Variants in YLPM1 observed in about 807,000 individuals in gnomAD.
YLPM1 encodes the protein YLP motif containing 1, also known as YLP motif-containing protein 1.
Under a neutral mutation model 230.0 loss-of-function variants are expected in YLPM1, and 99 were observed. That is an observed-to-expected ratio of 0.43 (90% CI 0.37 to 0.51). YLPM1 has a LOEUF of 0.51. Among genes scored for constraint, YLPM1 ranks in the 20% least tolerant of loss-of-function variants. YLPM1 has a pLI of 0.00. For synonymous variants in YLPM1, 984 were observed against 942.5 expected (o/e 1.04, Z -0.81); for missense variants, 2,592 against 2,707.7 (o/e 0.96, Z 0.95).
chr14:74,781,160 GGAA>G (rs1440162318), intron 3 of YLPM1, among the ~76,000 whole-genome samples, 171 bp from the exon 4 acceptor site: 1 of 152,164 alleles, frequency 6.6e-6, no homozygotes, highest in Non-Finnish European at 1.5e-5. Flanking sequence ...GCCAAAGGAA[GGAA>G]GAAGAATGAT....
At chr14:74,835,469 A>G in intron 20 of YLPM1, 22 bp downstream of exon 20, 1 of 1,583,490 alleles carries the variant, frequency 6.3e-7, no homozygotes, top group Non-Finnish European at 8.6e-7. Context: ...CAGTCATATA[A>G]ATAGCCTACT....
chr14:74,797,905 A>G lies in YLPM1; in HGVS notation c.2608A>G (p.Ser870Gly). Reference sequence around the variant, plus strand: ...AAACAAAGAACCATTAGCAGACACCAGTAGTAACCAGCAGAAGAATTTTAA... The same window carrying G: ...AAACAAAGAACCATTAGCAGACACCGGTAGTAACCAGCAGAAGAATTTTAA... ...SGNKEPLADT[S>G]SNQQKNFKMQ... Residue 870 changes from serine (S) to glycine (G), a missense_variant, in exon 5 of 21, where the codon AGT becomes GGT. Coordinates refer to ENST00000325680, the MANE Select transcript of YLPM1 (RefSeq NM_019589.3). The G allele has an allele frequency of 1.2e-6, 2 of 1,613,932 alleles. No individual in the cohort carries two copies. Among genetic ancestry groups the G allele is most frequent in the South Asian group, 2.2e-5 (2 of 91,076 alleles).
chr14:74,769,584 G>A (rs2090953249), intron 1 of YLPM1, among the ~76,000 whole-genome samples: 2 of 146,232 alleles, frequency 1.4e-5, no homozygotes, highest in South Asian at 4.2e-4. Flanking sequence ...AGAGTGCCCG[G>A]CCATTTTTTT....
intron 17 of YLPM1, among the ~76,000 whole-genome samples, chr14:74,823,604 C>T (rs1486655414): frequency 6.6e-6 from 1 of 151,994 alleles, no homozygotes; most frequent in African/African-American, 2.4e-5. Flanking sequence ...TTTTAAAAAA[C>T]ATCAGAAATA....
At chr14:74,830,329 G>A (rs1185353265) in intron 19 of YLPM1, among the ~76,000 whole-genome samples, 1 of 152,192 alleles carries the variant, frequency 6.6e-6, no homozygotes, top group Non-Finnish European at 1.5e-5. Flanking sequence ...TAGGATATTA[G>A]ATAGGTCTTT....
rs753465477 is a variant in YLPM1 at position 74,781,994 on chromosome 14, G to T, written c.1951G>T (p.Val651Phe). 3 of 1,613,782 alleles carry T rather than the reference G, an allele frequency of 1.9e-6. No individual in the cohort carries two copies. Among genetic ancestry groups the T allele is most frequent in the Non-Finnish European group, 1.7e-6 (2 of 1,179,812 alleles). ...ACCTCCTCAGTTAACAGCAGCCCCA[G>T]TTCCACCAGCCTCCAGTTCACAGAG... Reference protein sequence around the residue: ...GIPPQLTAAPVPPASSSQSSQ... With the variant: ...GIPPQLTAAPFPPASSSQSSQ... The change falls in exon 4 of 21, where the codon GTT becomes TTT. Residue 651 changes from valine (V) to phenylalanine (F), a missense_variant. Val to Phe is a conservative substitution (Grantham distance 50, BLOSUM62 -1). Around this residue, in one of 4 missense-constraint regions of YLPM1, gnomAD observed 1,862 missense variants for 1,819.8 expected, o/e 1.02. Coordinates refer to ENST00000325680, the MANE Select transcript of YLPM1 (RefSeq NM_019589.3).
intron 6 of YLPM1, among the ~76,000 whole-genome samples, chr14:74,807,229 C>T (rs2091388705): frequency 6.6e-6 from 1 of 151,994 alleles, no homozygotes. Context: ...ATATTGTGGG[C>T]TCTCCAGGAT....
At chr14:74,810,069 T>C (rs979182809) in intron 8 of YLPM1, 67 bp downstream of exon 8, 9 of 1,497,118 alleles carry the variant, frequency 6.0e-6, no homozygotes, top group Non-Finnish European at 8.1e-6. Context: ...GATTTTCCTT[T>C]TGGTGAGATT....
intron 11 of YLPM1, among the ~76,000 whole-genome samples, chr14:74,815,502 C>A (rs898757413): frequency 6.7e-6 from 1 of 149,854 alleles, no homozygotes; most frequent in Non-Finnish European, 1.5e-5. Context: ...GCAGAGGTTG[C>A]GATGAGCCAA....
chr14:74,816,314 G>A (rs1309992280), intron 12 of YLPM1, 49 bp downstream of exon 12: 1 of 1,561,972 alleles, frequency 6.4e-7, no homozygotes, highest in Non-Finnish European at 8.7e-7. Context: ...GCTTGTGTTA[G>A]TAGTCACTTG....
Position 74,809,661 on chromosome 14 carries a change from A to G in YLPM1, c.4803A>G (p.Ala1601=). ...CAGAATTTAAGTCAGAAACTGCAGCAATTCCATCTGCTCCAGTATTACCAC... is the reference window on the plus strand; with the variant it reads ...CAGAATTTAAGTCAGAAACTGCAGCGATTCCATCTGCTCCAGTATTACCAC... ...LNSEFKSETA[A]IPSAPVLPPP... is the part of the protein sequence containing the mutation. The change falls in exon 7 of 21, where the codon GCA becomes GCG. Residue 1601 remains alanine (A), a synonymous_variant. Transcript: ENST00000325680. 6.2e-7 allele frequency: 1 copy of G among 1,614,054 alleles called. No homozygotes were observed. The highest frequency in any genetic ancestry group is 1.3e-5 in the African/African-American group (1 of 75,078).
intron 6 of YLPM1, among the ~76,000 whole-genome samples, chr14:74,806,737 T>TACTTTCCTCTTACAGAAATTACA (rs2091382323): frequency 6.6e-6 from 1 of 151,988 alleles, no homozygotes; most frequent in African/African-American, 2.4e-5. Flanking sequence ...TTCCCATATT[T>TACTTTCCTCTTACAGAAATTACA]GTTAATTATA....
Position 74,781,608 on chromosome 14 carries a change from C to T in YLPM1, c.1565C>T (p.Pro522Leu), listed in dbSNP as rs780324562. 1 of 1,613,906 alleles carries T rather than the reference C, an allele frequency of 6.2e-7. No individual in the cohort carries two copies. The highest frequency in any genetic ancestry group is 1.1e-5 in the South Asian group (1 of 91,072). ...GNMSMPPPFVPYSQMPPPLPT... is the reference protein window; with the variant it reads ...GNMSMPPPFVLYSQMPPPLPT... Reference sequence around the variant, plus strand: ...ATGTCAATGCCACCTCCTTTTGTTCCATATTCTCAGATGCCTCCACCTCTA... The same window carrying T: ...ATGTCAATGCCACCTCCTTTTGTTCTATATTCTCAGATGCCTCCACCTCTA... Residue 522 changes from proline (P) to leucine (L), a missense_variant, in exon 4 of 21, where the codon CCA (proline) becomes CTA (leucine). This residue lies in a region of YLPM1 where 1,862 missense variants were observed against 1,819.8 expected (regional missense o/e 1.02). Coordinates refer to ENST00000325680, the MANE Select transcript of YLPM1 (RefSeq NM_019589.3).
At chr14:74,824,348 A>G in intron 18 of YLPM1, 41 bp downstream of exon 18, 5 of 1,585,398 alleles carry the variant, frequency 3.2e-6, no homozygotes, top group Non-Finnish European at 4.3e-6. Flanking sequence ...GTGATACCTG[A>G]TGGTAATGGT....
chr14:74,768,018 A>G (rs963403992), intron 1 of YLPM1, among the ~76,000 whole-genome samples: 1 of 152,308 alleles, frequency 6.6e-6, no homozygotes, highest in South Asian at 2.1e-4. Flanking sequence ...AATTGAAGAA[A>G]GACCTTGCCT....
intron 6 of YLPM1, among the ~76,000 whole-genome samples, chr14:74,807,379 A>G (rs2091390514): frequency 6.6e-6 from 1 of 152,162 alleles, no homozygotes; most frequent in Non-Finnish European, 1.5e-5. Context: ...TTTGAATCAC[A>G]CTTACAAAGA....
In YLPM1 at chr14:74,809,377, T is replaced by C; in HGVS notation, c.4522-3T>C. On this transcript the variant is annotated splice_polypyrimidine_tract_variant and splice_region_variant and intron_variant, in intron 6 of 20. Transcript: ENST00000325680. ...CCACTAAGCTATTTATTCTGTTCTC[T>C]AGCCTCCAGGGTCGTATAGACCTCC... 6.2e-7 allele frequency: 1 copy of C among 1,603,504 alleles called. No individual in the cohort carries two copies. Among genetic ancestry groups the C allele is most frequent in the Non-Finnish European group, 8.5e-7 (1 of 1,175,456 alleles).
intron 18 of YLPM1, among the ~76,000 whole-genome samples, chr14:74,827,139 A>C (rs752786239): frequency 6.6e-6 from 1 of 152,176 alleles, no homozygotes; most frequent in Non-Finnish European, 1.5e-5. Flanking sequence ...ACATAGATGT[A>C]TCTAAGGAAT....
chr14:74,785,064 T>C (rs903385840), intron 4 of YLPM1, among the ~76,000 whole-genome samples: 15 of 152,234 alleles, frequency 9.9e-5, no homozygotes, highest in Admixed American at 6.5e-4. Context: ...TTGACTCTTG[T>C]TGAACTTAAC....
Sources: allele counts gnomAD v4.1 joint callset (sites outside exome capture counted in the v4.1 genomes callset), GRCh38; gene constraint gnomAD v4.1.1; regional missense constraint gnomAD v4.1.1; transcripts MANE v1.5; gene names NCBI Gene and HGNC (gene_info 2026-07-23, HGNC 2026-07-21).